Variants in PTK2 observed in about 807,000 individuals in gnomAD.
PTK2 encodes protein tyrosine kinase 2, also known as focal adhesion kinase 1.
Under a neutral mutation model 150.1 loss-of-function variants are expected in PTK2, and 45 were observed. The observed-to-expected ratio is 0.30, with a 90% CI of 0.24 to 0.38. The LOEUF is 0.38. Among genes scored for constraint, PTK2 ranks in the 10% least tolerant of loss-of-function variants. The pLI, the probability that PTK2 is intolerant of heterozygous loss-of-function variation, is 1.00. For missense variants in PTK2, 919 were observed against 1,307.3 expected, an observed-to-expected ratio of 0.70 and a Z score of 4.58; for synonymous variants, 432 against 449.2, an observed-to-expected ratio of 0.96 and a Z score of 0.48.
intron 22 of PTK2, among the ~76,000 whole-genome samples, chr8:140,731,950 T>TCC (rs2100049668): frequency 6.6e-6 from 1 of 152,074 alleles, no homozygotes; most frequent in Admixed American, 6.6e-5. Context: ...ATGAGGGGAA[T>TCC]CCCACAGTAA....
chr8:140,914,742 T>C (rs2100164509), intron 2 of PTK2, among the ~76,000 whole-genome samples: 1 of 152,066 alleles, frequency 6.6e-6, no homozygotes, highest in South Asian at 2.1e-4. Flanking sequence ...CCGTTTAAAG[T>C]AAGAGTCTAC....
intron 1 of PTK2, among the ~76,000 whole-genome samples, chr8:140,935,536 T>A (rs189385785): frequency 1.2e-3 from 186 of 152,186 alleles, no homozygotes; most frequent in Non-Finnish European, 2.1e-3. Flanking sequence ...GGTTATCCTA[T>A]ACTAGAGACA....
At chr8:140,736,313 C>A (rs2100052570) in intron 21 of PTK2, among the ~76,000 whole-genome samples, 1 of 152,118 alleles carries the variant, frequency 6.6e-6, no homozygotes, top group Non-Finnish European at 1.5e-5. Context: ...TAAGTGGGAT[C>A]TAAACCCTGG....
intron 23 of PTK2, among the ~76,000 whole-genome samples, chr8:140,714,993 G>C (rs2100038839): frequency 6.6e-6 from 1 of 151,544 alleles, no homozygotes; most frequent in Non-Finnish European, 1.5e-5. Context: ...CATAGAAGCA[G>C]AATTTGATTC....
Position 140,668,438 on chromosome 8 carries a change from A to C in PTK2, c.2710-14T>G. ...CTGGGGCTGAAGCTGACAACACAGA[A>C]GCCAGTCATTTTTCTGCTCTCCAGC... On this transcript the variant is annotated splice_polypyrimidine_tract_variant and intron_variant, in intron 29 of 31. Transcript: ENST00000522684. 1 of 1,598,746 alleles carries C rather than the reference A, an allele frequency of 6.3e-7. No homozygotes were observed. The highest frequency in any genetic ancestry group is 8.5e-7 in the Non-Finnish European group (1 of 1,172,724).
chr8:140,850,098 CA>C (rs148823429), intron 5 of PTK2, among the ~76,000 whole-genome samples: 2 of 150,388 alleles, frequency 1.3e-5, no homozygotes, highest in Admixed American at 6.6e-5. Flanking sequence ...AAGATCCTTC[CA>C]AAAAAAAAGA....
intron 26 of PTK2, among the ~76,000 whole-genome samples, chr8:140,694,469 T>C (rs2100025271): frequency 6.6e-6 from 1 of 152,230 alleles, no homozygotes; most frequent in African/African-American, 2.4e-5. Context: ...ACAAGAGTAT[T>C]GGTCTGCAAC....
At chr8:140,790,594 T>C (rs1410582696) in intron 13 of PTK2, among the ~76,000 whole-genome samples, 2 of 152,238 alleles carry the variant, frequency 1.3e-5, no homozygotes, top group Admixed American at 1.3e-4. Context: ...ATTTTGAACT[T>C]TGAAGTTCCA....
At chr8:140,787,943 T>G (rs1472309631) in intron 14 of PTK2, among the ~76,000 whole-genome samples, 1 of 152,204 alleles carries the variant, frequency 6.6e-6, no homozygotes, top group Non-Finnish European at 1.5e-5. Context: ...AGTTGCTCCC[T>G]CCTCCAGACT....
chr8:140,950,342 G>A (rs1353179676), intron 1 of PTK2, among the ~76,000 whole-genome samples: 1 of 152,168 alleles, frequency 6.6e-6, no homozygotes, highest in Non-Finnish European at 1.5e-5. Context: ...CACTCTTCTG[G>A]GCGCCACCTC....
chr8:140,672,109 G>A (rs1238871879), intron 29 of PTK2: 1 of 447,738 alleles, frequency 2.2e-6, no homozygotes, highest in Non-Finnish European at 4.5e-6. Context: ...TACCTGTAAA[G>A]TTGGTTTTTC....
rs776661699 is a variant in PTK2, at chr8:140,674,414, G to A, written c.2603-10C>T. ...GGTGGAGCTGCAGGATCTGGTGAGA[G>A]AGAATGATTCCCATTAAGTCATGTG... On this transcript the variant is annotated splice_polypyrimidine_tract_variant and intron_variant, in intron 28 of 31. Coordinates refer to ENST00000522684, the Ensembl canonical transcript of PTK2. The A allele has an allele frequency of 1.3e-6, 2 of 1,576,528 alleles. No individual in the cohort carries two copies.
At chr8:140,698,618 T>C (rs111755119) in intron 26 of PTK2, among the ~76,000 whole-genome samples, 154 of 151,998 alleles carry the variant, frequency 1.0e-3, no homozygotes, top group Admixed American at 2.7e-3. Context: ...CATGCCTGGC[T>C]AATTTTTGTT....
At chr8:140,878,160 A>G (rs2100146799) in intron 4 of PTK2, among the ~76,000 whole-genome samples, 1 of 152,222 alleles carries the variant, frequency 6.6e-6, no homozygotes, top group Admixed American at 6.5e-5. Context: ...TGGAAGTCAA[A>G]TCTTCTCTAG....
chr8:140,724,717 A>G (rs1008892764), intron 22 of PTK2, among the ~76,000 whole-genome samples: 2 of 152,256 alleles, frequency 1.3e-5, no homozygotes, highest in African/African-American at 4.8e-5. Context: ...GTTTTGAAAC[A>G]TGATTTCTTA....
intron 4 of PTK2, among the ~76,000 whole-genome samples, chr8:140,869,608 G>A (rs2100141337): frequency 4.0e-5 from 6 of 151,830 alleles, no homozygotes; most frequent in Admixed American, 3.9e-4. Context: ...AAATGATTAT[G>A]ACAAAAGTCA....
intron 23 of PTK2, among the ~76,000 whole-genome samples, chr8:140,712,295 T>G (rs1019170601): frequency 6.6e-6 from 1 of 152,196 alleles, no homozygotes; most frequent in Admixed American, 6.5e-5. Flanking sequence ...ATGTTAGGCT[T>G]AACAGAAGGC....
At chr8:140,981,455 G>A (rs2100191392) in intron 1 of PTK2, among the ~76,000 whole-genome samples, 1 of 152,166 alleles carries the variant, frequency 6.6e-6, no homozygotes, top group Non-Finnish European at 1.5e-5. Flanking sequence ...GGCCTTTCAA[G>A]GGCATGGGAA....
chr8:140,728,508 C>T (rs779380486), intron 22 of PTK2, among the ~76,000 whole-genome samples: 20 of 152,238 alleles, frequency 1.3e-4, no homozygotes, highest in Non-Finnish European at 1.2e-4. Context: ...GAGCAATGGA[C>T]ATGGATTATT....
Sources: allele counts gnomAD v4.1 joint callset (sites outside exome capture counted in the v4.1 genomes callset), GRCh38; gene constraint gnomAD v4.1.1; transcripts MANE v1.5; gene names NCBI Gene and HGNC (gene_info 2026-07-23, HGNC 2026-07-21).